Variants in ZDHHC14 observed in about 807,000 individuals in gnomAD.
ZDHHC14 encodes palmitoyltransferase ZDHHC14.
A neutral mutation model predicts 47.7 loss-of-function variants in ZDHHC14; 16 were observed. The ratio of observed to expected loss-of-function variants is 0.34; its 90% confidence interval spans 0.23 to 0.51. The LOEUF (loss-of-function observed/expected upper bound fraction) is 0.51. Ranked by LOEUF, ZDHHC14 falls within the 20% of genes least tolerant of loss-of-function variation. The probability of loss-of-function intolerance (pLI) is 0.97; values close to 1 mark genes in which losing one functional copy is unlikely to be tolerated. For synonymous variants in ZDHHC14, 293 were observed against 278.9 expected, an observed-to-expected ratio of 1.05 and a Z score of -0.50; for missense variants, 515 against 662.5, an observed-to-expected ratio of 0.78 and a Z score of 2.44.
chr6:157,612,093 T>C (rs1297457472), intron 3 of ZDHHC14, among the ~76,000 whole-genome samples: 1 of 152,038 alleles, frequency 6.6e-6, no homozygotes, highest in Non-Finnish European at 1.5e-5. Context: ...GACGTGAGGG[T>C]CCTACCGACT....
intron 1 of ZDHHC14, among the ~76,000 whole-genome samples, chr6:157,402,866 A>G (rs1475754008): frequency 6.6e-6 from 1 of 152,042 alleles, no homozygotes; most frequent in Non-Finnish European, 1.5e-5. Context: ...AGCTGAGATT[A>G]CAGGTGTGCA....
intron 1 of ZDHHC14, among the ~76,000 whole-genome samples, chr6:157,499,728 C>T (rs1780152422): frequency 6.6e-6 from 1 of 152,130 alleles, no homozygotes. Flanking sequence ...CTTGGATCAC[C>T]CTATGCATAT....
chr6:157,497,438 T>A (rs1372335813), intron 1 of ZDHHC14, among the ~76,000 whole-genome samples: 1 of 152,138 alleles, frequency 6.6e-6, no homozygotes, highest in Non-Finnish European at 1.5e-5. Context: ...ATATACAAAG[T>A]GGTAATAGTT....
chr6:157,607,561 C>A (rs1318019101), intron 3 of ZDHHC14, among the ~76,000 whole-genome samples: 1 of 152,132 alleles, frequency 6.6e-6, no homozygotes, highest in Non-Finnish European at 1.5e-5. Flanking sequence ...TTTCTGTGAG[C>A]AAAGGATGTT....
rs145892038 is a variant in ZDHHC14, at chr6:157,392,298, C to T, written c.245+10032C>T. On this transcript the variant is annotated intron_variant, in intron 1 of 8. Coordinates refer to ENST00000359775, the MANE Select transcript of ZDHHC14 (RefSeq NM_024630.3). The stretch of plus-strand genomic sequence containing the variant: ...CCTTATGATGAGTGAGGTACTTTAT[C>T]ATAGATCTTCATCTCCTAGCTTAAT... Among the ~76,000 whole-genome samples the T allele has an allele frequency of 3.1e-3, 473 of 152,314 alleles. 3 individuals are homozygous for T. The highest frequency in any genetic ancestry group is 5.9e-3 in the Non-Finnish European group (401 of 68,032).
Position 157,418,519 on chromosome 6 carries a change from C to T in ZDHHC14, c.245+36253C>T, listed in dbSNP as rs76622226. Among the ~76,000 whole-genome samples the T allele has an allele frequency of 2.6e-5, 4 of 152,216 alleles. No homozygotes were observed. The South Asian group carries it at 8.3e-4, about 32-fold the overall frequency. ...ATTATCAGAGGCCTGTGCCCTTTAT[C>T]TAGGAAGGATGTCCAAAGCAGTGGG... On this transcript the variant is annotated intron_variant, in intron 1 of 8. Transcript: ENST00000359775.
At chr6:157,567,251 A>C (rs372916102) in intron 2 of ZDHHC14, among the ~76,000 whole-genome samples, 5 of 152,146 alleles carry the variant, frequency 3.3e-5, no homozygotes, top group Non-Finnish European at 5.9e-5. Flanking sequence ...ATGCAAAAAC[A>C]TAGGGTAATG....
intron 1 of ZDHHC14, among the ~76,000 whole-genome samples, chr6:157,540,030 C>G (rs1019527456): frequency 6.6e-6 from 1 of 152,190 alleles, no homozygotes; most frequent in Non-Finnish European, 1.5e-5. Context: ...CGGATCCATA[C>G]CCTGATTTGT....
At chr6:157,665,915 G>C (rs1373322614) in intron 8 of ZDHHC14, among the ~76,000 whole-genome samples, 1 of 152,142 alleles carries the variant, frequency 6.6e-6, no homozygotes, top group African/African-American at 2.4e-5. Context: ...CTTGCCATCT[G>C]AACTCCTATG....
At position 157,677,797 on chromosome 6, in the gene ZDHHC14, A is replaced by G. The variant is rs967910701; in HGVS notation, c.*4675A>G. On this transcript the variant is annotated 3_prime_UTR_variant, in exon 9 of 9. Coordinates refer to ENST00000359775, the MANE Select transcript of ZDHHC14 (RefSeq NM_024630.3). ...ACCGAGAGGCCACATGGCATGTCCA[A>G]GGAGACATGCTTTCTGGGTTCTATA... The G allele has an allele frequency of 1.3e-5, 2 of 151,704 alleles. No homozygotes were observed. The highest frequency in any genetic ancestry group is 6.6e-5 in the Admixed American group (1 of 15,244). The allele number at this position is 151,704 out of a possible 1,614,324, so 9.4% of individuals were successfully genotyped here.
intron 1 of ZDHHC14, among the ~76,000 whole-genome samples, chr6:157,524,954 T>A (rs1781104313): frequency 6.6e-6 from 1 of 152,212 alleles, no homozygotes; most frequent in Admixed American, 6.5e-5. Context: ...GCATTGATTA[T>A]CTCACAGTTT....
rs906877646 is a variant in ZDHHC14, at chr6:157,674,746, T to G, written c.*1624T>G. 3 of 152,246 alleles carry G rather than the reference T, an allele frequency of 2.0e-5. No individual in the cohort carries two copies. The highest frequency in any genetic ancestry group is 7.2e-5 in the African/African-American group (3 of 41,470). The allele number at this position is 152,246 out of a possible 1,614,324, so 9.4% of individuals were successfully genotyped here. ...TAGGAAAAAGAAAAGCACACAAGTTTTATTTGGAATGAAGGCAATTCACAG... is the reference window on the plus strand; with the variant it reads ...TAGGAAAAAGAAAAGCACACAAGTTGTATTTGGAATGAAGGCAATTCACAG... On this transcript the variant is annotated 3_prime_UTR_variant, in exon 9 of 9. Transcript: ENST00000359775.
At chr6:157,610,600 G>A (rs1212932652) in intron 3 of ZDHHC14, among the ~76,000 whole-genome samples, 1 of 152,154 alleles carries the variant, frequency 6.6e-6, no homozygotes, top group African/African-American at 2.4e-5. Context: ...GGAGGGAGGG[G>A]CTACACATTC....
chr6:157,670,125 C>T (rs1778730375), intron 8 of ZDHHC14, among the ~76,000 whole-genome samples: 1 of 152,148 alleles, frequency 6.6e-6, no homozygotes, highest in Non-Finnish European at 1.5e-5. Context: ...CTCAGTAGCC[C>T]CCACCGGAAG....
intron 3 of ZDHHC14, among the ~76,000 whole-genome samples, chr6:157,596,817 G>A (rs369854390): frequency 4.6e-5 from 7 of 152,290 alleles, no homozygotes; most frequent in South Asian, 2.1e-4. Context: ...GCCAGTAAGC[G>A]CGTGGCTCTG....
At chr6:157,647,406 T>C in intron 7 of ZDHHC14, 38 bp downstream of exon 7, 1 of 1,544,420 alleles carries the variant, frequency 6.5e-7, no homozygotes, top group Non-Finnish European at 8.9e-7. Context: ...CAACAGACCT[T>C]GGAAAACCGA....
At chr6:157,670,328 C>T (rs943750000) in intron 8 of ZDHHC14, among the ~76,000 whole-genome samples, 2 of 152,202 alleles carry the variant, frequency 1.3e-5, no homozygotes, top group African/African-American at 4.8e-5. Flanking sequence ...AGGTCTTGCT[C>T]TGTCGCCCAG....
chr6:157,664,816 A>G (rs1778483968), intron 8 of ZDHHC14, among the ~76,000 whole-genome samples: 1 of 152,184 alleles, frequency 6.6e-6, no homozygotes, highest in South Asian at 2.1e-4. Flanking sequence ...GCCTTGGGGC[A>G]GGGGATTCTC....
intron 1 of ZDHHC14, among the ~76,000 whole-genome samples, chr6:157,504,741 A>T (rs1366075178): frequency 1.3e-5 from 2 of 151,904 alleles, no homozygotes; most frequent in African/African-American, 4.8e-5. Flanking sequence ...ACTTATCGTC[A>T]GCAAAAAAAA....
Sources: allele counts gnomAD v4.1 joint callset (sites outside exome capture counted in the v4.1 genomes callset), GRCh38; gene constraint gnomAD v4.1.1; transcripts MANE v1.5; gene names NCBI Gene and HGNC (gene_info 2026-07-23, HGNC 2026-07-21).